Variants in NEGR1 observed in about 807,000 individuals in gnomAD.
NEGR1 encodes the protein IgLON family member 4.
A neutral mutation model predicts 40.9 loss-of-function variants in NEGR1; 10 were observed. That is an observed-to-expected ratio of 0.24 (90% CI 0.15 to 0.42). The LOEUF is 0.42. NEGR1 is among the 10% of genes least tolerant of loss of function. NEGR1 has a pLI of 1.00. For missense variants in NEGR1, 352 were observed against 438.9 expected (o/e 0.80, Z 1.77); for synonymous variants, 185 against 166.8 (o/e 1.11, Z -0.84).
chr1:72,063,810 T>C (rs1041104724), intron 1 of NEGR1, among the ~76,000 whole-genome samples: 1 of 151,974 alleles, frequency 6.6e-6, no homozygotes, highest in African/African-American at 2.4e-5. Flanking sequence ...TGTAACAAGC[T>C]ACAAAGCCAA....
intron 2 of NEGR1, among the ~76,000 whole-genome samples, chr1:71,928,387 C>CAT (rs1230676084): frequency 1.4e-5 from 2 of 138,204 alleles, no homozygotes; most frequent in African/African-American, 2.7e-5. Context: ...TGTATATATA[C>CAT]ACACATATGT....
chr1:71,828,306 GT>G (rs541419113), intron 2 of NEGR1, among the ~76,000 whole-genome samples: 196 of 151,972 alleles, frequency 1.3e-3, no homozygotes, highest in Non-Finnish European at 2.4e-3. Flanking sequence ...TTTGAAAATT[GT>G]TTTTATCCCT....
At chr1:71,713,104 G>A (rs758592530) in intron 3 of NEGR1, among the ~76,000 whole-genome samples, 2 of 152,056 alleles carry the variant, frequency 1.3e-5, no homozygotes, top group Non-Finnish European at 2.9e-5. Context: ...GCCTTATCTT[G>A]GCACTTCATC....
chr1:71,669,240 G>A (rs1180599892), intron 4 of NEGR1, among the ~76,000 whole-genome samples: 1 of 151,872 alleles, frequency 6.6e-6, no homozygotes, highest in Non-Finnish European at 1.5e-5. Flanking sequence ...CTCTTTCTAT[G>A]CTTTTAAATT....
At chr1:71,959,684 AATTT>A in intron 1 of NEGR1, among the ~76,000 whole-genome samples, 2 of 152,148 alleles carry the variant, frequency 1.3e-5, no homozygotes, top group South Asian at 4.2e-4. Flanking sequence ...CATTGCCAAT[AATTT>A]ATTTGTCAGG....
rs926318780 is a variant in NEGR1 at position 72,101,109 on chromosome 1, C to T, written c.177-165798G>A. The stretch of plus-strand genomic sequence containing the variant: ...TGGACACAGGAATTTTCACAGGGGA[C>T]GTATTGCAGTCCACAACCATTTGAA... On this transcript the variant is annotated intron_variant, in intron 1 of 6. Coordinates refer to ENST00000357731, the MANE Select transcript of NEGR1 (RefSeq NM_173808.3). Among the ~76,000 whole-genome samples, 13 of 152,230 alleles carry T rather than the reference C, an allele frequency of 8.5e-5. No homozygotes were observed. In the East Asian group the frequency reaches 1.9e-3, roughly 23 times the overall value.
intron 1 of NEGR1, among the ~76,000 whole-genome samples, chr1:72,228,764 T>C (rs189034900): frequency 2.0e-5 from 3 of 152,238 alleles, no homozygotes; most frequent in African/African-American, 4.8e-5. Context: ...CTGTACTTCT[T>C]TGAGGAAAAT....
chr1:71,847,115 A>T (rs1028722519), intron 2 of NEGR1, among the ~76,000 whole-genome samples: 1 of 152,222 alleles, frequency 6.6e-6, no homozygotes, highest in South Asian at 2.1e-4. Flanking sequence ...ATTTGACTCA[A>T]GTTGGCTTTG....
At chr1:71,862,244 A>G (rs1415495077) in intron 2 of NEGR1, among the ~76,000 whole-genome samples, 1 of 152,144 alleles carries the variant, frequency 6.6e-6, no homozygotes, top group Non-Finnish European at 1.5e-5. Context: ...AATTAAGGAC[A>G]TAACTAAAAA....
intron 6 of NEGR1, among the ~76,000 whole-genome samples, chr1:71,485,403 C>A (rs1164318625): frequency 2.6e-5 from 4 of 151,608 alleles, no homozygotes; most frequent in African/African-American, 9.7e-5. Context: ...CAGAGTGGTA[C>A]ATTTGTTACA....
intron 1 of NEGR1, among the ~76,000 whole-genome samples, chr1:72,103,673 G>C (rs534893184): frequency 7.2e-5 from 11 of 152,210 alleles, no homozygotes; most frequent in African/African-American, 2.6e-4. Context: ...TTTACAATAA[G>C]ATATGAGAGG....
chr1:72,092,100 A>G (rs1191992080), intron 1 of NEGR1, among the ~76,000 whole-genome samples: 1 of 147,412 alleles, frequency 6.8e-6, no homozygotes, highest in African/African-American at 2.5e-5. Flanking sequence ...ACATTGAATC[A>G]GTGTAAGTGA....
At chr1:72,256,731 T>G (rs1322524407) in intron 1 of NEGR1, among the ~76,000 whole-genome samples, 2 of 152,190 alleles carry the variant, frequency 1.3e-5, no homozygotes, top group African/African-American at 4.8e-5. Context: ...GTTTACCTTA[T>G]TAGAGAATAC....
chr1:71,425,762 C>T (rs1557521611), intron 6 of NEGR1, among the ~76,000 whole-genome samples: 1 of 152,064 alleles, frequency 6.6e-6, no homozygotes, highest in Admixed American at 6.6e-5. Flanking sequence ...ATAATAAATA[C>T]AGATGATACA....
intron 2 of NEGR1, among the ~76,000 whole-genome samples, chr1:71,779,389 C>A (rs2101721851): frequency 6.6e-6 from 1 of 152,128 alleles, no homozygotes. Flanking sequence ...TAAGAGAGGG[C>A]AAATATTTTC....
intron 2 of NEGR1, among the ~76,000 whole-genome samples, chr1:71,789,920 A>G (rs927776105): frequency 1.3e-5 from 2 of 152,242 alleles, no homozygotes; most frequent in South Asian, 2.1e-4. Context: ...ACACCTAACT[A>G]TCATTAAAAC....
chr1:72,025,974 A>G (rs952519485), intron 1 of NEGR1, among the ~76,000 whole-genome samples: 1 of 150,062 alleles, frequency 6.7e-6, no homozygotes, highest in Non-Finnish European at 1.5e-5. Flanking sequence ...AGCCGGGCGT[A>G]GTGGCGGGCG....
intron 2 of NEGR1, among the ~76,000 whole-genome samples, chr1:71,929,073 C>A (rs987694951): frequency 6.6e-6 from 1 of 151,980 alleles, no homozygotes; most frequent in African/African-American, 2.4e-5. Context: ...AAATAATAAG[C>A]ATTTTCTTAC....
chr1:72,141,602 G>C (rs1273183299), intron 1 of NEGR1, among the ~76,000 whole-genome samples: 1 of 152,020 alleles, frequency 6.6e-6, no homozygotes, highest in Non-Finnish European at 1.5e-5. Flanking sequence ...TGACAGTAAT[G>C]TTGGTCAAAG....
Sources: allele counts gnomAD v4.1 joint callset (sites outside exome capture counted in the v4.1 genomes callset), GRCh38; gene constraint gnomAD v4.1.1; transcripts MANE v1.5; gene names NCBI Gene and HGNC (gene_info 2026-07-23, HGNC 2026-07-21).